ABCB5: variants seen among roughly 807,000 people sequenced by gnomAD.
ABCB5 encodes ATP-binding cassette sub-family B member 5.
Under a neutral mutation model 144.2 loss-of-function variants are expected in ABCB5, and 155 were observed. The ratio of observed to expected loss-of-function variants is 1.08; its 90% CI spans 0.94 to 1.23. The LOEUF is 1.23. ABCB5 is among the 50% of genes most tolerant of loss of function. ABCB5 has a pLI of 0.00. For missense variants in ABCB5, 1,830 were observed against 1,520.8 expected, an observed-to-expected ratio of 1.20 and a Z score of -3.38; for synonymous variants, 610 against 528.6, an observed-to-expected ratio of 1.15 and a Z score of -2.11.
chr7:20,724,113 G>T (rs1231637236), intron 21 of ABCB5, among the ~76,000 whole-genome samples: 1 of 152,132 alleles, frequency 6.6e-6, no homozygotes, highest in Non-Finnish European at 1.5e-5. Flanking sequence ...CCAGTGGCAG[G>T]TAGTACATTA....
chr7:20,702,819 G>A (rs1382684312), intron 19 of ABCB5, among the ~76,000 whole-genome samples: 1 of 144,368 alleles, frequency 6.9e-6, no homozygotes, highest in South Asian at 2.3e-4. Context: ...CCACCGCCAC[G>A]CCTGGCTAAT....
At chr7:20,732,438 T>C (rs1273737132) in intron 23 of ABCB5, among the ~76,000 whole-genome samples, 2 of 152,236 alleles carry the variant, frequency 1.3e-5, no homozygotes, top group African/African-American at 4.8e-5. Flanking sequence ...TGAGCACAAG[T>C]TGTAACCTAT....
chr7:20,649,051 A>T (rs1281227357), intron 11 of ABCB5, among the ~76,000 whole-genome samples: 1 of 152,210 alleles, frequency 6.6e-6, no homozygotes, highest in Non-Finnish European at 1.5e-5. Flanking sequence ...CTATTTTTAA[A>T]ATGAACTTTT....
intron 16 of ABCB5, among the ~76,000 whole-genome samples, chr7:20,696,730 G>A (rs963139125): frequency 6.6e-6 from 1 of 152,026 alleles, no homozygotes; most frequent in Non-Finnish European, 1.5e-5. Flanking sequence ...TTTAACGCAT[G>A]TACAACCTGT....
At chr7:20,724,469 A>G (rs142950940) in intron 21 of ABCB5, among the ~76,000 whole-genome samples, 1,748 of 152,038 alleles carry the variant, frequency 0.011, 31 homozygotes, top group African/African-American at 0.039. Flanking sequence ...CTCTACGAAA[A>G]ATACAAAAAG....
chr7:20,756,674 T>G lies in ABCB5; in HGVS notation c.*1050T>G, dbSNP rs1298689505. The stretch of plus-strand genomic sequence containing the variant: ...TAATAAATAAGAGCTAATTTTATTG[T>G]GGGTGAAAATTTTTAAACGTCTTTC... On this transcript the variant is annotated 3_prime_UTR_variant, in exon 28 of 28. Transcript: ENST00000404938. 1 of 152,140 alleles carries G rather than the reference T, an allele frequency of 6.6e-6. No individual in the cohort carries two copies. Among genetic ancestry groups the G allele is most frequent in the Non-Finnish European group, 1.5e-5 (1 of 68,010 alleles). 9.4% of individuals were successfully genotyped at this position (152,140 alleles called of 1,614,324 possible).
At chr7:20,708,081 G>A (rs1353627087) in intron 20 of ABCB5, among the ~76,000 whole-genome samples, 36 of 152,018 alleles carry the variant, frequency 2.4e-4, no homozygotes, top group Non-Finnish European at 5.9e-5. Context: ...CTGGATTACA[G>A]GCGTGAGCCA....
chr7:20,742,022 T>C (rs1408358809), intron 24 of ABCB5, among the ~76,000 whole-genome samples: 2 of 152,164 alleles, frequency 1.3e-5, no homozygotes, highest in African/African-American at 4.8e-5. Flanking sequence ...AAGAGATTGA[T>C]GCACAGAGAG....
intron 9 of ABCB5, among the ~76,000 whole-genome samples, chr7:20,646,482 A>G (rs1471411376): frequency 6.6e-6 from 1 of 152,184 alleles, no homozygotes; most frequent in Non-Finnish European, 1.5e-5. Context: ...GGCTGAGATC[A>G]GACGGAGTTC....
intron 20 of ABCB5, among the ~76,000 whole-genome samples, chr7:20,715,416 CGTGTGT>C (rs1354283731): frequency 6.6e-6 from 1 of 151,094 alleles, no homozygotes; most frequent in Non-Finnish European, 1.5e-5. Flanking sequence ...TGTGTGTGTG[CGTGTGT>C]GTGTGTGAAA....
rs71020669 is a variant in ABCB5, at chr7:20,704,075, C to CTTTTTTTTTTTTTTTTTTTTTTTTTTTTT, written c.2338-633_2338-632insTTTTTTTTTTTTTTTTTTTTTTTTTTTTT. ...CTAAATTGTGTTGTTTATTGCCTTC[C>CTTTTTTTTTTTTTTTTTTTTTTTTTTTTT]TTTTTTTTTTTTTTTTGTGAGACAG... On this transcript the variant is annotated intron_variant, in intron 19 of 27. Transcript: ENST00000404938. 3.7e-5 allele frequency among the ~76,000 whole-genome samples: 3 copies of CTTTTTTTTTTTTTTTTTTTTTTTTTTTTT among 80,762 alleles called. 1 individual carries two copies. The highest frequency in any genetic ancestry group is 6.5e-5 in the Non-Finnish European group (3 of 46,386). The allele number at this position is 80,762 out of a possible 152,430, so 53.0% of individuals were successfully genotyped here.
chr7:20,660,296 G>T (rs1784962575), intron 14 of ABCB5: 5 of 984,882 alleles, frequency 5.1e-6, no homozygotes, highest in Non-Finnish European at 6.0e-6. Flanking sequence ...CAGCTATGTG[G>T]CATAATTATG....
Position 20,756,244 on chromosome 7 carries a change from A to G in ABCB5, c.*620A>G, listed in dbSNP as rs778009086. On this transcript the variant is annotated 3_prime_UTR_variant, in exon 28 of 28. Coordinates refer to ENST00000404938, the MANE Select transcript of ABCB5 (RefSeq NM_001163941.2). ...TATCTCCTACTTCACCAGTAAGTGA[A>G]GTGCCTCACATGAGCCATCCCAAAG... 1 of 152,486 alleles carries G rather than the reference A, an allele frequency of 6.6e-6. No individual in the cohort carries two copies. Among genetic ancestry groups the G allele is most frequent in the Non-Finnish European group, 1.5e-5 (1 of 68,136 alleles). 9.4% of individuals were successfully genotyped at this position (152,486 alleles called of 1,614,324 possible).
chr7:20,616,627 C>G (rs74989588), intron 1 of ABCB5, among the ~76,000 whole-genome samples: 8,554 of 152,288 alleles, frequency 0.056, 344 homozygotes, highest in South Asian at 0.13. Context: ...TAAGAATTGG[C>G]TGACTGATAG....
intron 4 of ABCB5, among the ~76,000 whole-genome samples, chr7:20,631,394 G>C (rs746604193): frequency 2.0e-5 from 3 of 152,060 alleles, no homozygotes; most frequent in Non-Finnish European, 4.4e-5. Flanking sequence ...AACAGATGAA[G>C]AGTCATGATG....
intron 20 of ABCB5, among the ~76,000 whole-genome samples, chr7:20,706,941 T>C (rs777000256): frequency 6.6e-6 from 1 of 152,202 alleles, no homozygotes; most frequent in Non-Finnish European, 1.5e-5. Context: ...ATAAAAATTC[T>C]TACTTTGCCA....
intron 16 of ABCB5, 127 bp from the exon 17 acceptor site, chr7:20,698,280 T>C (rs898497448): frequency 4.0e-5 from 31 of 774,962 alleles, no homozygotes; most frequent in Middle Eastern, 4.1e-4. Context: ...TTAAGAAAAA[T>C]ATTTTCTACC....
At chr7:20,713,423 A>G (rs2128046907) in intron 20 of ABCB5, among the ~76,000 whole-genome samples, 1 of 148,902 alleles carries the variant, frequency 6.7e-6, no homozygotes, top group Non-Finnish European at 1.5e-5. Context: ...TTTTGTAGAG[A>G]CAGGGTCTCA....
At chr7:20,717,883 C>CTCTTT (rs1781731543) in intron 20 of ABCB5, among the ~76,000 whole-genome samples, 1 of 43,208 alleles carries the variant, frequency 2.3e-5, no homozygotes, top group Admixed American at 3.6e-4. Context: ...TTGTAACATT[C>CTCTTT]TTTTTTTTTT....
Sources: gnomAD v4.1 joint callset for allele counts (sites outside exome capture counted in the v4.1 genomes callset) on GRCh38, gnomAD v4.1.1 for gene constraint, MANE v1.5 for transcripts, NCBI Gene and HGNC (gene_info 2026-07-23, HGNC 2026-07-21) for gene names.